SLC39A12: variants seen among roughly 807,000 people sequenced by gnomAD.
SLC39A12 encodes zinc transporter ZIP12.
Under a neutral mutation model 71.1 loss-of-function variants are expected in SLC39A12, and 63 were observed. The observed-to-expected ratio is 0.89, with a 90% CI of 0.72 to 1.09. SLC39A12 has a LOEUF of 1.09. Among genes scored for constraint, SLC39A12 ranks in the 50% least tolerant of loss-of-function variants. SLC39A12 has a pLI of 0.00. For synonymous variants in SLC39A12, 351 were observed against 301.3 expected, an observed-to-expected ratio of 1.16 and a Z score of -1.71; for missense variants, 892 against 812.6, an observed-to-expected ratio of 1.10 and a Z score of -1.19.
At position 18,003,345 on chromosome 10, in the gene SLC39A12, C is replaced by A; in HGVS notation, c.1934C>A (p.Ser645Tyr). 1 of 1,607,790 alleles carries A rather than the reference C, an allele frequency of 6.2e-7. No homozygotes were observed. The highest frequency in any genetic ancestry group is 1.1e-5 in the South Asian group (1 of 88,984). Residue 645 changes from serine (S) to tyrosine (Y), a missense_variant, in exon 12 of 13, where the codon TCC becomes TAC. Coordinates refer to ENST00000377369, the MANE Select transcript of SLC39A12 (RefSeq NM_001145195.2). ...TVTAGMFLYL[S>Y]LVEMLPEMTH... ...ACTGCTGGGATGTTCTTATATTTAT[C>A]CTTGGTTGAAATGGTAAGCTTGGTG...
At chr10:17,961,021 T>C (rs1319324988) in intron 2 of SLC39A12, among the ~76,000 whole-genome samples, 3 of 152,100 alleles carry the variant, frequency 2.0e-5, no homozygotes. Context: ...TTCTATCAGA[T>C]AGTTCTGTAC....
chr10:17,972,202 T>A (rs1022644010), intron 4 of SLC39A12, among the ~76,000 whole-genome samples: 1 of 152,234 alleles, frequency 6.6e-6, no homozygotes, highest in African/African-American at 2.4e-5. Flanking sequence ...AGATGCTTGA[T>A]GTTATTTCAA....
chr10:17,991,157 G>A lies in SLC39A12; in HGVS notation c.1276G>A (p.Gly426Ser). 6.9e-7 allele frequency: 1 copy of A among 1,447,806 alleles called. No individual in the cohort carries two copies. The allele number at this position is 1,447,806 out of a possible 1,614,324, so 89.7% of individuals were successfully genotyped here. A position where few individuals can be genotyped will look rare whatever the true frequency, so the allele number is the denominator to read the frequency against. Residue 426 changes from glycine to serine, a missense_variant, in exon 8 of 13, where the codon GGT becomes AGT. Coordinates refer to ENST00000377369, the MANE Select transcript of SLC39A12 (RefSeq NM_001145195.2). ...TTTTTTTTTTCCCCTGAAGGTTCTTGGTTTACATAAGCAGGAAGCCCCAGA... is the reference window on the plus strand; with the variant it reads ...TTTTTTTTTTCCCCTGAAGGTTCTTAGTTTACATAAGCAGGAAGCCCCAGA... Reference protein sequence around the residue: ...ALLHLIPQVLGLHKQEAPEFG... With the variant: ...ALLHLIPQVLSLHKQEAPEFG...
At chr10:18,019,407 A>T (rs1836470138) in intron 12 of SLC39A12, among the ~76,000 whole-genome samples, 1 of 151,718 alleles carries the variant, frequency 6.6e-6, no homozygotes. Flanking sequence ...CTGCTCTTTC[A>T]TTATTTTCTT....
intron 12 of SLC39A12, among the ~76,000 whole-genome samples, chr10:18,006,898 A>G (rs1006492396): frequency 6.6e-6 from 1 of 152,154 alleles, no homozygotes; most frequent in Non-Finnish European, 1.5e-5. Context: ...TGCAAAACCA[A>G]TCAACACCTC....
intron 12 of SLC39A12, among the ~76,000 whole-genome samples, chr10:18,019,726 CT>C (rs1836479959): frequency 6.6e-6 from 1 of 151,906 alleles, no homozygotes; most frequent in South Asian, 2.1e-4. Context: ...AGCTATCTTT[CT>C]GTTATTGATT....
chr10:18,002,574 C>T lies in SLC39A12; in HGVS notation c.1760-597C>T, dbSNP rs1400194843. On this transcript the variant is annotated intron_variant, in intron 11 of 12. Transcript: ENST00000377369. ...TGTCTATTGAATTTTAGTCTCAATC[C>T]CCCAAACTAAGAAGTAGATGTTCTC... 4 of 152,042 alleles carry T rather than the reference C, an allele frequency of 2.6e-5. No individual in the cohort carries two copies. In the East Asian group the frequency reaches 7.7e-4, roughly 29 times the overall value. 9.4% of individuals were successfully genotyped at this position (152,042 alleles called of 1,614,324 possible). A position where few individuals can be genotyped will look rare whatever the true frequency, so the allele number is the denominator to read the frequency against.
intron 12 of SLC39A12, among the ~76,000 whole-genome samples, chr10:18,040,971 C>A (rs966683695): frequency 1.3e-5 from 2 of 151,922 alleles, no homozygotes; most frequent in Admixed American, 6.6e-5. Flanking sequence ...TAGTAGGAGC[C>A]ATAGATACTG....
At chr10:18,019,647 G>T (rs191642037) in intron 12 of SLC39A12, among the ~76,000 whole-genome samples, 1 of 151,904 alleles carries the variant, frequency 6.6e-6, no homozygotes, top group African/African-American at 2.4e-5. Flanking sequence ...TTTCTCTTGA[G>T]ATTTCTTTCT....
At chr10:17,998,409 G>A (rs543610057) in intron 10 of SLC39A12, among the ~76,000 whole-genome samples, 20 of 152,162 alleles carry the variant, frequency 1.3e-4, no homozygotes, top group Non-Finnish European at 2.5e-4. Context: ...GTTGTCAAAT[G>A]TATCACTTTA....
At chr10:17,956,044 A>G (rs1564636921) in intron 2 of SLC39A12, among the ~76,000 whole-genome samples, 2 of 152,308 alleles carry the variant, frequency 1.3e-5, no homozygotes, top group Middle Eastern at 3.4e-3. Context: ...GCCCCTCCTC[A>G]GGGAGGTCTG....
At chr10:17,954,183 T>A (rs1253053017) in intron 2 of SLC39A12, among the ~76,000 whole-genome samples, 1 of 152,300 alleles carries the variant, frequency 6.6e-6, no homozygotes, top group African/African-American at 2.4e-5. Context: ...TGTTTAGGTG[T>A]CATCCTCTAG....
Position 18,042,863 on chromosome 10 carries a change from C to T in SLC39A12, c.*30C>T, listed in dbSNP as rs1837298408. The T allele has an allele frequency of 1.3e-6, 2 of 1,581,082 alleles. No individual in the cohort carries two copies. The highest frequency in any genetic ancestry group is 2.3e-5 in the South Asian group (2 of 85,908). On this transcript the variant is annotated 3_prime_UTR_variant, in exon 13 of 13. Coordinates refer to ENST00000377369, the MANE Select transcript of SLC39A12 (RefSeq NM_001145195.2). ...GGATCTTCAACATCTTTCAAAAATG[C>T]ATTTATATAGTCTTACTTTGTTTCT...
intron 12 of SLC39A12, among the ~76,000 whole-genome samples, chr10:18,027,054 G>A (rs1836698702): frequency 6.6e-6 from 1 of 151,994 alleles, no homozygotes; most frequent in Admixed American, 6.6e-5. Flanking sequence ...ACCATCTTTT[G>A]CCTTTTAATA....
At chr10:18,034,025 A>T (rs1435576146) in intron 12 of SLC39A12, among the ~76,000 whole-genome samples, 2 of 147,406 alleles carry the variant, frequency 1.4e-5, no homozygotes, top group African/African-American at 2.5e-5. Flanking sequence ...ATAGTTTGTT[A>T]TAATTTCTGT....
chr10:17,987,809 T>C (rs1269627838), intron 7 of SLC39A12, among the ~76,000 whole-genome samples, 158 bp downstream of exon 7: 1 of 152,210 alleles, frequency 6.6e-6, no homozygotes, highest in East Asian at 1.9e-4. Context: ...AAGGCCTCTC[T>C]GCACTTGTAG....
At chr10:18,035,897 A>G (rs558931733) in intron 12 of SLC39A12, among the ~76,000 whole-genome samples, 24 of 152,098 alleles carry the variant, frequency 1.6e-4, no homozygotes, top group Admixed American at 5.2e-4. Context: ...GTCTGTTGGA[A>G]TACCCTGCCG....
At chr10:17,977,639 G>A (rs537718918) in intron 4 of SLC39A12, among the ~76,000 whole-genome samples, 4 of 152,246 alleles carry the variant, frequency 2.6e-5, no homozygotes, top group Middle Eastern at 3.4e-3. Flanking sequence ...ATTAATCTAT[G>A]ATGGATGTAT....
In SLC39A12 at chr10:18,036,767, TATATATATATATATATATATATATATA is replaced by T. The variant is rs1459355785; in HGVS notation, c.1948-5937_1948-5911del. On this transcript the variant is annotated intron_variant, in intron 12 of 12. Transcript: ENST00000377369. ...AAAATTATATATATATATATATATA[TATATATATATATATATATATATATATA>T]TTTTTTTTTTTAATGGAATCTCACT... Among the ~76,000 whole-genome samples, 408 of 68,636 alleles carry T rather than the reference TATATATATATATATATATATATATATA, an allele frequency of 5.9e-3. 36 individuals are homozygous for T. The highest frequency in any genetic ancestry group is 0.021 in the African/African-American group (330 of 15,714). 45.0% of individuals were successfully genotyped at this position (68,636 alleles called of 152,430 possible).
Sources: allele counts gnomAD v4.1 joint callset (sites outside exome capture counted in the v4.1 genomes callset), GRCh38; gene constraint gnomAD v4.1.1; transcripts MANE v1.5; gene names NCBI Gene and HGNC (gene_info 2026-07-23, HGNC 2026-07-21).